Variants in PFKP observed in about 807,000 individuals in gnomAD.
PFKP encodes the protein phosphofructokinase, platelet, also known as ATP-dependent 6-phosphofructokinase, platelet type.
Under a neutral mutation model 94.3 loss-of-function variants are expected in PFKP, and 101 were observed. That is an observed-to-expected ratio of 1.07 (90% CI 0.91 to 1.26). The LOEUF is 1.26. PFKP is among the 50% of genes most tolerant of loss of function. The pLI, the probability that PFKP is intolerant of heterozygous loss-of-function variation, is 0.00. For missense variants in PFKP, 1,145 were observed against 1,103.3 expected, an observed-to-expected ratio of 1.04 and a Z score of -0.53; for synonymous variants, 573 against 432.6, an observed-to-expected ratio of 1.32 and a Z score of -4.03.
At chr10:3,076,626 T>A (rs1832619487) in intron 1 of PFKP, among the ~76,000 whole-genome samples, 1 of 152,076 alleles carries the variant, frequency 6.6e-6, no homozygotes. Context: ...TTGTTCACTG[T>A]GTTTCTTGCT....
chr10:3,122,064 C>A (rs1407701100), intron 16 of PFKP, among the ~76,000 whole-genome samples: 1 of 139,860 alleles, frequency 7.2e-6, no homozygotes, highest in East Asian at 2.1e-4. Context: ...CTCAAGCAAT[C>A]CCCCTGTCTT....
intron 16 of PFKP, among the ~76,000 whole-genome samples, chr10:3,125,909 AG>A (rs760006645): frequency 6.6e-6 from 1 of 152,192 alleles, no homozygotes; most frequent in Non-Finnish European, 1.5e-5. Flanking sequence ...ACTCAGCTGC[AG>A]ACAGGACGGT....
chr10:3,134,666 T>C (rs1839019162), intron 20 of PFKP, 84 bp downstream of exon 20: 2 of 854,658 alleles, frequency 2.3e-6, no homozygotes, highest in Non-Finnish European at 4.0e-6. Flanking sequence ...CGGGGAGAAG[T>C]AGGGTGCTGG....
In PFKP at chr10:3,124,237, G is replaced by A. The variant is rs113009733; in HGVS notation, c.1683+4193G>A. Among the ~76,000 whole-genome samples, 1,436 of 152,278 alleles carry A rather than the reference G, an allele frequency of 9.4e-3. 23 individuals are homozygous for A. Among genetic ancestry groups the A allele is most frequent in the African/African-American group, 0.033 (1,355 of 41,562 alleles). On this transcript the variant is annotated intron_variant, in intron 16 of 21. Coordinates refer to ENST00000381125, the MANE Select transcript of PFKP (RefSeq NM_002627.5). Reference sequence around the variant, plus strand: ...GATGTGGGGATATTCACAGTAAGACGGACACGTCCAAGACCATAAATAGTT... The same window carrying A: ...GATGTGGGGATATTCACAGTAAGACAGACACGTCCAAGACCATAAATAGTT...
chr10:3,133,605 A>G (rs1256363944), intron 19 of PFKP, among the ~76,000 whole-genome samples: 2 of 152,058 alleles, frequency 1.3e-5, no homozygotes, highest in Non-Finnish European at 2.9e-5. Flanking sequence ...TAATTTTTGT[A>G]TTTTTAGTAG....
At position 3,136,635 on chromosome 10, in the gene PFKP, CTT is replaced by C. The variant is rs761904877; in HGVS notation, c.*57_*58del. 1.2e-5 allele frequency: 19 copies of C among 1,580,806 alleles called. No individual in the cohort carries two copies. The highest frequency in any genetic ancestry group is 4.0e-5 in the African/African-American group (3 of 74,300). On this transcript the variant is annotated 3_prime_UTR_variant, in exon 22 of 22. Transcript: ENST00000381125. ...CCGTGGACTGTCTGTTTTTGTAACA[CTT>C]AAGTTATTTTATCAGCACTTTATGC...
At position 3,113,480 on chromosome 10, in the gene PFKP, G is replaced by A. The variant is rs753541438; in HGVS notation, c.1333G>A (p.Ala445Thr). 5.0e-6 allele frequency: 8 copies of A among 1,613,030 alleles called. No homozygotes were observed. The highest frequency in any genetic ancestry group is 2.7e-5 in the African/African-American group (2 of 74,940). ...CATTGCCGACGGCCACAGGATGCTC[G>A]CCATCTATGATGGCTTTGACGGCTT... The part of the protein sequence containing the change: ...VGIADGHRML[A>T]IYDGFDGFAK... Residue 445 changes from alanine to threonine, a missense_variant, in exon 13 of 22, where the codon GCC becomes ACC. This residue lies in a region of PFKP where 1,119 missense variants were observed against 1,062.8 expected (regional missense o/e 1.05). Transcript: ENST00000381125.
At position 3,136,510 on chromosome 10, in the gene PFKP, C is replaced by A; in HGVS notation, c.2286C>A (p.Ala762=). Reference sequence around the variant, plus strand: ...TACGGCCCCTCATGAAAATCCTGGCCAAGTACAAGGCCAGCTATGACGTGT... The same window carrying A: ...TACGGCCCCTCATGAAAATCCTGGCAAAGTACAAGGCCAGCTATGACGTGT... ...LKLRPLMKIL[A]KYKASYDVSD... is the part of the protein sequence containing the mutation. Residue 762 remains alanine (A), a synonymous_variant, in exon 22 of 22, where the codon GCC becomes GCA. Transcript: ENST00000381125. The A allele has an allele frequency of 1.2e-6, 2 of 1,613,636 alleles. No individual in the cohort carries two copies. The highest frequency in any genetic ancestry group is 1.7e-6 in the Non-Finnish European group (2 of 1,179,764).
chr10:3,092,552 G>T (rs1240783529), intron 2 of PFKP, among the ~76,000 whole-genome samples: 1 of 152,064 alleles, frequency 6.6e-6, no homozygotes, highest in East Asian at 1.9e-4. Context: ...TGAATGGGTT[G>T]AAGTTAAAAA....
At chr10:3,108,459 C>T (rs888690363) in intron 8 of PFKP, among the ~76,000 whole-genome samples, 1 of 152,110 alleles carries the variant, frequency 6.6e-6, no homozygotes. Context: ...TACTTGTATT[C>T]ATTTTCTAGG....
chr10:3,118,942 CTTG>C (rs2131634579), intron 15 of PFKP, 73 bp downstream of exon 15: 1 of 1,118,208 alleles, frequency 8.9e-7, no homozygotes, highest in East Asian at 2.6e-5. Flanking sequence ...CATTAAGCTA[CTTG>C]TTGGCTACTG....
At chr10:3,134,694 T>TAAA in intron 20 of PFKP, 112 bp downstream of exon 20, 1 of 692,230 alleles carries the variant, frequency 1.4e-6, no homozygotes, top group Non-Finnish European at 2.6e-6. Flanking sequence ...TTCAGTTCAG[T>TAAA]ACTGAGCTGC....
chr10:3,108,540 C>CGT lies in PFKP; in HGVS notation c.871-161_871-160insGT, dbSNP rs1225915269. Among the ~76,000 whole-genome samples, 11 of 152,324 alleles carry CGT rather than the reference C, an allele frequency of 7.2e-5. No homozygotes were observed. The Middle Eastern group carries it at 0.01, about 141-fold the overall frequency. On this transcript the variant is annotated intron_variant, in intron 8 of 21. Transcript: ENST00000381125. ...CCAATTTTCAGCTGCCTGTTATATA[C>CGT]ACTAAACGTTCTGCTAGGAAACAAA... is the stretch of plus-strand genomic sequence containing the variant.
At chr10:3,135,572 C>T in intron 20 of PFKP, among the ~76,000 whole-genome samples, 164 bp from the exon 21 acceptor site, 1 of 152,222 alleles carries the variant, frequency 6.6e-6, no homozygotes, top group African/African-American at 2.4e-5. Flanking sequence ...TGCACGAGGC[C>T]AGGTGCTGGC....
intron 1 of PFKP, among the ~76,000 whole-genome samples, chr10:3,073,960 C>T (rs1303488223): frequency 6.6e-6 from 1 of 152,150 alleles, no homozygotes; most frequent in Non-Finnish European, 1.5e-5. Context: ...GTCCCAGCCT[C>T]CCAAGTAGCT....
chr10:3,094,467 CAAGTAATGA>C (rs963590033), intron 2 of PFKP, among the ~76,000 whole-genome samples: 16 of 152,164 alleles, frequency 1.1e-4, no homozygotes, highest in Admixed American at 1.0e-3. Context: ...AATTTTCTAT[CAAGTAATGA>C]AATCAGTGAG....
intron 1 of PFKP, chr10:3,068,656 A>T: frequency 4.1e-6 from 4 of 985,144 alleles, no homozygotes; most frequent in Non-Finnish European, 4.8e-6. Context: ...AAGGTGGCGG[A>T]GACTCGGCGC....
intron 1 of PFKP, among the ~76,000 whole-genome samples, chr10:3,076,544 T>C (rs1324243707): frequency 6.6e-6 from 1 of 151,814 alleles, no homozygotes; most frequent in Admixed American, 6.6e-5. Flanking sequence ...CTCCACACCC[T>C]CAACACCCCC....
intron 1 of PFKP, among the ~76,000 whole-genome samples, chr10:3,074,216 G>GA (rs1260060631): frequency 6.6e-6 from 1 of 152,192 alleles, no homozygotes; most frequent in East Asian, 1.9e-4. Flanking sequence ...TTTGGCAAAA[G>GA]AACCAGGCCC....
Sources: allele counts gnomAD v4.1 joint callset (sites outside exome capture counted in the v4.1 genomes callset), GRCh38; gene constraint gnomAD v4.1.1; regional missense constraint gnomAD v4.1.1; transcripts MANE v1.5; gene names NCBI Gene and HGNC (gene_info 2026-07-23, HGNC 2026-07-21).